The following ANO3 variants were observed in gnomAD, a reference collection of about 807,000 sequenced individuals.
The protein encoded by ANO3 is anoctamin-3.
In ANO3, 99 loss-of-function variants were observed where a neutral mutation model predicts 144.8. The ratio of observed to expected loss-of-function variants is 0.68; its 90% CI spans 0.58 to 0.81. The LOEUF (loss-of-function observed/expected upper bound fraction) is 0.81. Ranked by LOEUF, ANO3 falls within the 30% of genes least tolerant of loss-of-function variation. The pLI is 0.00. For synonymous variants in ANO3, 414 were observed against 392.6 expected (o/e 1.05, Z -0.64); for missense variants, 905 against 1,202.2 (o/e 0.75, Z 3.66).
intron 1 of ANO3, among the ~76,000 whole-genome samples, chr11:26,228,703 G>A (rs1035789568): frequency 6.6e-6 from 1 of 152,170 alleles, no homozygotes; most frequent in African/African-American, 2.4e-5. Flanking sequence ...GGCAAAATTA[G>A]GCCTTTATAC....
chr11:26,190,692 T>C (rs1851457914), intron 1 of ANO3, among the ~76,000 whole-genome samples: 2 of 152,168 alleles, frequency 1.3e-5, no homozygotes, highest in African/African-American at 4.8e-5. Flanking sequence ...ATTGTCTTTG[T>C]GCAGAGTTAG....
chr11:26,260,576 G>A (rs1325399406), intron 1 of ANO3, among the ~76,000 whole-genome samples: 1 of 152,034 alleles, frequency 6.6e-6, no homozygotes, highest in African/African-American at 2.4e-5. Context: ...ACTTTAGAAG[G>A]GAACAATGAA....
Position 26,314,486 on chromosome 11 carries a change from A to G in ANO3, c.-3+4767A>G, listed in dbSNP as rs1167564739. ...TTCATTGTAAATGGGGTAATATACA[A>G]AATTCCTGTGGCCAAAAATGGATTG... is the stretch of plus-strand genomic sequence containing the variant. On this transcript the variant is annotated intron_variant, in intron 1 of 26. Transcript: ENST00000525139. Among the ~76,000 whole-genome samples the G allele has an allele frequency of 3.3e-5, 5 of 152,292 alleles. No individual in the cohort carries two copies. The South Asian group carries it at 8.3e-4, about 25-fold the overall frequency.
intron 1 of ANO3, among the ~76,000 whole-genome samples, chr11:26,237,434 C>G (rs1294951073): frequency 6.6e-6 from 1 of 151,784 alleles, no homozygotes; most frequent in Non-Finnish European, 1.5e-5. Flanking sequence ...TTTAATTGCA[C>G]TTACTTTTTT....
At chr11:26,418,324 C>T (rs10501050) in intron 1 of ANO3, among the ~76,000 whole-genome samples, 13,791 of 152,112 alleles carry the variant, frequency 0.091, 1,271 homozygotes, top group African/African-American at 0.24. Context: ...TTACCAATAA[C>T]AGAGTGTGGC....
chr11:26,350,109 GGA>G (rs1855604637), intron 1 of ANO3, among the ~76,000 whole-genome samples: 1 of 152,082 alleles, frequency 6.6e-6, no homozygotes, highest in African/African-American at 2.4e-5. Context: ...AGATCTATGT[GGA>G]GAAACCGACA....
intron 1 of ANO3, among the ~76,000 whole-genome samples, chr11:26,215,105 G>A (rs1449281809): frequency 6.6e-6 from 1 of 151,794 alleles, no homozygotes; most frequent in Non-Finnish European, 1.5e-5. Flanking sequence ...TGAATGAGGT[G>A]GTGTTTGTCA....
At chr11:26,349,853 T>C (rs1043927978) in intron 1 of ANO3, among the ~76,000 whole-genome samples, 16 of 152,112 alleles carry the variant, frequency 1.1e-4, no homozygotes, top group African/African-American at 3.9e-4. Flanking sequence ...CGGCCGAGAA[T>C]TGTTTTAAAG....
chr11:26,460,871 A>G (rs1859369320), intron 3 of ANO3, among the ~76,000 whole-genome samples: 1 of 152,098 alleles, frequency 6.6e-6, no homozygotes, highest in Non-Finnish European at 1.5e-5. Flanking sequence ...TCATATTTAG[A>G]TAATTTTAGA....
At chr11:26,440,373 AAATATATAAT>A (rs1357513863) in intron 1 of ANO3, among the ~76,000 whole-genome samples, 1 of 152,216 alleles carries the variant, frequency 6.6e-6, no homozygotes, top group African/African-American at 2.4e-5. Context: ...AAATAAAACA[AAATATATAAT>A]ATGAATGACA....
rs530508046 is a variant in ANO3 at position 26,401,078 on chromosome 11, G to A, written c.47-40840G>A. On this transcript the variant is annotated intron_variant, in intron 1 of 26. Coordinates refer to ENST00000256737, the MANE Select transcript of ANO3 (RefSeq NM_031418.4). ...ATATGCATCGTGTGATGACATAAAAGGAACAGGACATCTGTATAAAAGGTT... is the reference window on the plus strand; with the variant it reads ...ATATGCATCGTGTGATGACATAAAAAGAACAGGACATCTGTATAAAAGGTT... Among the ~76,000 whole-genome samples the A allele has an allele frequency of 2.0e-5, 3 of 152,008 alleles. No homozygotes were observed. In the South Asian group the frequency reaches 6.2e-4, roughly 32 times the overall value.
intron 17 of ANO3, 81 bp from the exon 18 acceptor site, chr11:26,624,381 G>T: frequency 1.1e-6 from 1 of 944,292 alleles, no homozygotes; most frequent in South Asian, 1.5e-5. Context: ...ATACATTATA[G>T]ATGTTTCTTC....
At chr11:26,451,515 C>T (rs867476810) in intron 3 of ANO3, among the ~76,000 whole-genome samples, 15 of 152,146 alleles carry the variant, frequency 9.9e-5, no homozygotes, top group African/African-American at 2.7e-4. Context: ...AACTGCAAGG[C>T]GGCAGCAAGG....
chr11:26,608,064 G>T (rs10835012), intron 17 of ANO3, among the ~76,000 whole-genome samples: 1 of 152,074 alleles, frequency 6.6e-6, no homozygotes, highest in African/African-American at 2.4e-5. Flanking sequence ...TCTCATCTTC[G>T]TTAGTTTGTC....
At chr11:26,263,489 G>T (rs1267511237) in intron 1 of ANO3, among the ~76,000 whole-genome samples, 2 of 152,170 alleles carry the variant, frequency 1.3e-5, no homozygotes, top group Non-Finnish European at 2.9e-5. Context: ...CAAGAAAGCT[G>T]CTCCTTCCCA....
chr11:26,491,387 T>A (rs1336913525), intron 4 of ANO3, among the ~76,000 whole-genome samples: 3 of 152,194 alleles, frequency 2.0e-5, no homozygotes, highest in African/African-American at 7.2e-5. Flanking sequence ...ACAACTTCGA[T>A]TGACACATAT....
chr11:26,350,439 AT>A (rs1288051649), intron 1 of ANO3, among the ~76,000 whole-genome samples: 1 of 152,214 alleles, frequency 6.6e-6, no homozygotes, highest in Non-Finnish European at 1.5e-5. Flanking sequence ...ACACATGATT[AT>A]TGTAGAAAAG....
intron 14 of ANO3, chr11:26,561,356 T>G (rs1850285094): frequency 1.4e-6 from 1 of 698,200 alleles, no homozygotes; most frequent in East Asian, 3.3e-5. Flanking sequence ...TTTTAGATTT[T>G]AGTTTTAAAA....
intron 14 of ANO3, chr11:26,561,329 A>T: frequency 2.7e-6 from 2 of 749,418 alleles, no homozygotes; most frequent in Non-Finnish European, 3.8e-6. Flanking sequence ...GAAAATAAAT[A>T]TATTTTTATA....
Sources: gnomAD v4.1 joint callset for allele counts (sites outside exome capture counted in the v4.1 genomes callset) on GRCh38, gnomAD v4.1.1 for gene constraint, MANE v1.5 for transcripts, NCBI Gene and HGNC (gene_info 2026-07-23, HGNC 2026-07-21) for gene names.